ZFHX3: variants seen among roughly 807,000 people sequenced by gnomAD.
The protein encoded by ZFHX3 is zinc finger homeobox 3.
In ZFHX3, 42 loss-of-function variants were observed where a neutral mutation model predicts 279.1. That is an observed-to-expected ratio of 0.15 (90% confidence interval 0.12 to 0.19). The LOEUF is 0.19. Among genes scored for constraint, ZFHX3 ranks in the 10% least tolerant of loss-of-function variants. The pLI, the probability that ZFHX3 is intolerant of heterozygous loss-of-function variation, is 1.00. For missense variants in ZFHX3, 4,981 were observed against 4,754.0 expected, an observed-to-expected ratio of 1.05 and a Z score of -1.40; for synonymous variants, 2,293 against 1,957.8, an observed-to-expected ratio of 1.17 and a Z score of -4.52.
rs867192325 is a variant in ZFHX3 at position 72,880,736 on chromosome 16, G to A, written c.3448+8995C>T. On this transcript the variant is annotated intron_variant, in intron 4 of 9. Transcript: ENST00000268489. ...TATTCTAATTAGAGCAGAGGTCAAA[G>A]ATCTTTTAAAAGCAATAAATGGCTC... Among the ~76,000 whole-genome samples the A allele has an allele frequency of 3.9e-5, 6 of 152,284 alleles. No individual in the cohort carries two copies. In the Middle Eastern group the frequency reaches 0.01, roughly 259 times the overall value.
At chr16:73,888,313 C>G (rs1005964305) in intron 1 of ZFHX3, among the ~76,000 whole-genome samples, 2 of 151,840 alleles carry the variant, frequency 1.3e-5, no homozygotes, top group African/African-American at 2.4e-5. Flanking sequence ...CTTCCCCCCA[C>G]GGAAACATAA....
At chr16:73,732,075 C>A (rs1422844545) in intron 1 of ZFHX3, among the ~76,000 whole-genome samples, 1 of 152,122 alleles carries the variant, frequency 6.6e-6, no homozygotes, top group Admixed American at 6.5e-5. Flanking sequence ...GAAACTCATT[C>A]CATTTAGTAA....
intron 1 of ZFHX3, among the ~76,000 whole-genome samples, chr16:73,868,333 C>T (rs981424911): frequency 6.6e-5 from 10 of 152,176 alleles, no homozygotes; most frequent in Admixed American, 4.6e-4. Flanking sequence ...ACCAGCCTGG[C>T]CAACATGGCA....
Position 72,839,322 on chromosome 16 carries a change from A to C in ZFHX3, c.3449-9463T>G, listed in dbSNP as rs74746806. 2.3e-3 allele frequency among the ~76,000 whole-genome samples: 346 copies of C among 152,250 alleles called. 11 individuals carry two copies. The East Asian group carries it at 0.061, about 27-fold the overall frequency. On this transcript the variant is annotated intron_variant, in intron 4 of 9. Coordinates refer to ENST00000268489, the MANE Select transcript of ZFHX3 (RefSeq NM_006885.4). ...GGGGTTTTTCCTTTCTTTGGACAAAAACTACCTTCAATTGTACTTCATTTA... is the reference window on the plus strand; with the variant it reads ...GGGGTTTTTCCTTTCTTTGGACAAACACTACCTTCAATTGTACTTCATTTA...
chr16:73,381,522 T>C (rs970403439), intron 3 of ZFHX3, among the ~76,000 whole-genome samples: 5 of 152,212 alleles, frequency 3.3e-5, no homozygotes, highest in Non-Finnish European at 1.5e-5. Context: ...GAATTTCATC[T>C]ATTACAAAGA....
At chr16:73,327,132 GT>G (rs2015706214) in intron 3 of ZFHX3, among the ~76,000 whole-genome samples, 1 of 152,142 alleles carries the variant, frequency 6.6e-6, no homozygotes, top group African/African-American at 2.4e-5. Context: ...AACTATTTTT[GT>G]TTTTATTTGC....
At chr16:72,904,636 C>G (rs975811780) in intron 3 of ZFHX3, among the ~76,000 whole-genome samples, 1 of 152,110 alleles carries the variant, frequency 6.6e-6, no homozygotes, top group African/African-American at 2.4e-5. Context: ...GGTCTCAGTG[C>G]CTTTTCTTGC....
At chr16:73,154,084 A>C (rs1967014377) in intron 5 of ZFHX3, among the ~76,000 whole-genome samples, 1 of 152,138 alleles carries the variant, frequency 6.6e-6, no homozygotes, top group African/African-American at 2.4e-5. Flanking sequence ...GAAGGCGACC[A>C]TTGCGAAAAT....
intron 1 of ZFHX3, among the ~76,000 whole-genome samples, chr16:73,684,562 C>CCTT (rs2053059031): frequency 6.6e-6 from 1 of 152,116 alleles, no homozygotes; most frequent in Non-Finnish European, 1.5e-5. Context: ...CTGCTCAAAA[C>CCTT]CCACAAATAT....
At chr16:72,810,657 T>C (rs1425508195) in intron 7 of ZFHX3, among the ~76,000 whole-genome samples, 2 of 152,334 alleles carry the variant, frequency 1.3e-5, no homozygotes, top group East Asian at 3.9e-4. Flanking sequence ...GTTGTAGCAA[T>C]ATCATGTTCA....
intron 1 of ZFHX3, among the ~76,000 whole-genome samples, chr16:73,734,911 A>C (rs2053596710): frequency 6.6e-6 from 1 of 152,240 alleles, no homozygotes. Context: ...AGTTTGCTGC[A>C]ATACACACTG....
chr16:73,574,723 C>A (rs1370530642), intron 2 of ZFHX3, among the ~76,000 whole-genome samples: 1 of 152,164 alleles, frequency 6.6e-6, no homozygotes, highest in African/African-American at 2.4e-5. Context: ...GTCTGAGAGT[C>A]AAGGTCCTCG....
At chr16:73,769,681 T>C (rs779191436) in intron 1 of ZFHX3, among the ~76,000 whole-genome samples, 3 of 152,278 alleles carry the variant, frequency 2.0e-5, no homozygotes, top group South Asian at 2.1e-4. Context: ...TACTTCTTTA[T>C]TGAAGCTGAA....
At chr16:73,157,038 T>C (rs753402966) in intron 5 of ZFHX3, among the ~76,000 whole-genome samples, 4 of 152,092 alleles carry the variant, frequency 2.6e-5, no homozygotes, top group Admixed American at 6.6e-5. Context: ...AATTTTTTTG[T>C]AGAGACGAGT....
intron 8 of ZFHX3, among the ~76,000 whole-genome samples, chr16:73,065,602 T>TGTGTGTGC (rs1455934884): frequency 2.7e-5 from 4 of 146,648 alleles, no homozygotes; most frequent in Non-Finnish European, 6.0e-5. Flanking sequence ...TGTGTGTGTG[T>TGTGTGTGC]GTGTGCGTGT....
chr16:72,945,607 A>AT (rs1189534313), intron 3 of ZFHX3, among the ~76,000 whole-genome samples: 2 of 152,132 alleles, frequency 1.3e-5, no homozygotes, highest in East Asian at 3.9e-4. Context: ...CTTTCCTTTC[A>AT]TTTTTTGGTT....
At chr16:73,316,259 T>C (rs999104051) in intron 4 of ZFHX3, among the ~76,000 whole-genome samples, 1 of 152,148 alleles carries the variant, frequency 6.6e-6, no homozygotes, top group Non-Finnish European at 1.5e-5. Flanking sequence ...AACCTGAATG[T>C]AGAGAAAAAG....
At chr16:73,837,442 G>T (rs1294890465) in intron 1 of ZFHX3, among the ~76,000 whole-genome samples, 1 of 152,174 alleles carries the variant, frequency 6.6e-6, no homozygotes, top group Non-Finnish European at 1.5e-5. Context: ...GAGACAAAAA[G>T]TGTTGTGGTA....
intron 7 of ZFHX3, among the ~76,000 whole-genome samples, chr16:73,096,051 G>A (rs945027125): frequency 6.6e-6 from 1 of 152,114 alleles, no homozygotes; most frequent in South Asian, 2.1e-4. Flanking sequence ...GGGTGGAGAG[G>A]GGCCTGGAGA....
Sources: allele counts gnomAD v4.1 joint callset (sites outside exome capture counted in the v4.1 genomes callset), GRCh38; gene constraint gnomAD v4.1.1; transcripts MANE v1.5; gene names NCBI Gene and HGNC (gene_info 2026-07-23, HGNC 2026-07-21).